SMYD2: variants seen among roughly 807,000 people sequenced by gnomAD.
The protein encoded by SMYD2 is N-lysine methyltransferase SMYD2.
In SMYD2, 53 loss-of-function variants were observed where a neutral mutation model predicts 59.1. That is an observed-to-expected ratio of 0.90 (90% CI 0.72 to 1.13). The LOEUF (loss-of-function observed/expected upper bound fraction) is 1.13. SMYD2 is among the 50% of genes most tolerant of loss of function. SMYD2 has a pLI of 0.00. For synonymous variants in SMYD2, 208 were observed against 198.8 expected, an observed-to-expected ratio of 1.05 and a Z score of -0.39; for missense variants, 494 against 544.7, an observed-to-expected ratio of 0.91 and a Z score of 0.93.
chr1:214,331,090 T>C lies in SMYD2; in HGVS notation c.937+20T>C. On this transcript the variant is annotated intron_variant, in intron 9 of 11. Coordinates refer to ENST00000366957, the MANE Select transcript of SMYD2 (RefSeq NM_020197.3). ...ATAAATATATCCTTTACAACTGCCC[T>C]GATAGCTTATTATCCCTCGCCAACA... 1.9e-6 allele frequency: 3 copies of C among 1,611,718 alleles called. No individual in the cohort carries two copies. The highest frequency in any genetic ancestry group is 8.5e-7 in the Non-Finnish European group (1 of 1,178,142).
intron 2 of SMYD2, among the ~76,000 whole-genome samples, chr1:214,306,142 C>T (rs1656911927): frequency 6.6e-6 from 1 of 152,150 alleles, no homozygotes; most frequent in Non-Finnish European, 1.5e-5. Flanking sequence ...TAAAGGGTGG[C>T]TCTACGGGAC....
At chr1:214,307,002 C>T (rs920050919) in intron 2 of SMYD2, among the ~76,000 whole-genome samples, 4 of 152,196 alleles carry the variant, frequency 2.6e-5, no homozygotes, top group Non-Finnish European at 4.4e-5. Flanking sequence ...GAAACCCCGT[C>T]TCTACTAAAA....
intron 1 of SMYD2, among the ~76,000 whole-genome samples, chr1:214,295,955 G>C (rs1335344068): frequency 6.6e-6 from 1 of 152,204 alleles, no homozygotes; most frequent in Non-Finnish European, 1.5e-5. Flanking sequence ...ATATTGCACT[G>C]CTGGGGCTTT....
chr1:214,319,824 C>T (rs1365054559), intron 5 of SMYD2, among the ~76,000 whole-genome samples: 5 of 152,200 alleles, frequency 3.3e-5, no homozygotes, highest in Admixed American at 3.3e-4. Flanking sequence ...GAATTCTGCT[C>T]CATGGGAGCA....
intron 7 of SMYD2, among the ~76,000 whole-genome samples, chr1:214,329,763 G>A (rs1558057866): frequency 1.3e-5 from 2 of 152,222 alleles, no homozygotes; most frequent in Non-Finnish European, 2.9e-5. Context: ...TCCCCTGCAC[G>A]CAGCATCCAG....
chr1:214,320,651 C>T (rs1163485075), intron 5 of SMYD2, among the ~76,000 whole-genome samples: 1 of 152,154 alleles, frequency 6.6e-6, no homozygotes, highest in Non-Finnish European at 1.5e-5. Context: ...AGTCATTCAT[C>T]ACTTCTGCCC....
In SMYD2 at chr1:214,318,088, C is replaced by T. The variant is rs1657113188; in HGVS notation, c.358C>T (p.Pro120Ser). 1.2e-6 allele frequency: 2 copies of T among 1,613,566 alleles called. No individual in the cohort carries two copies. Among genetic ancestry groups the T allele is most frequent in the Non-Finnish European group, 1.7e-6 (2 of 1,179,880 alleles). Residue 120 changes from proline to serine, a missense_variant, in exon 4 of 12, where the codon CCA becomes TCA. By Grantham distance (74) the Pro-to-Ser change is moderately conservative (BLOSUM62 -1). Transcript: ENST00000366957. This position sits in a 1 kb window ranked among gnomAD's most constrained non-coding sequence, Gnocchi z 5.4. Reference sequence around the variant, plus strand: ...CTTCCCCAATTGCTAGAAAATCCACCCAGAGAGAACACCTTCGGAAAAATT... The same window carrying T: ...CTTCCCCAATTGCTAGAAAATCCACTCAGAGAGAACACCTTCGGAAAAATT... ...ARILAKQKIH[P>S]ERTPSEKLLA...
At chr1:214,332,383 G>T in intron 10 of SMYD2, 191 bp downstream of exon 10, 1 of 599,564 alleles carries the variant, frequency 1.7e-6, no homozygotes, top group Non-Finnish European at 2.8e-6. Flanking sequence ...TCATCCCAAG[G>T]AGACAGGTTG....
intron 9 of SMYD2, 61 bp from the exon 10 acceptor site, chr1:214,331,957 C>CA: frequency 6.5e-7 from 1 of 1,533,224 alleles, no homozygotes; most frequent in South Asian, 1.3e-5. Context: ...TCCTTGAACC[C>CA]AGCCTGGGGA....
Position 214,318,003 on chromosome 1 carries a change from T to G in SMYD2, c.349-76T>G, listed in dbSNP as rs1657111789. 2.3e-6 allele frequency: 3 copies of G among 1,307,710 alleles called. No individual in the cohort carries two copies. The highest frequency in any genetic ancestry group is 1.5e-5 in the African/African-American group (1 of 68,194). 81.0% of individuals were successfully genotyped at this position (1,307,710 alleles called of 1,614,324 possible). ...TTGTTACTTTTTCTTTATGTTGATG[T>G]AAAAGTGAAAGTGCCACTTTATTAC... On this transcript the variant is annotated intron_variant, in intron 3 of 11. Coordinates refer to ENST00000366957, the MANE Select transcript of SMYD2 (RefSeq NM_020197.3). The surrounding 1 kb of genome is among the most constrained non-coding windows in gnomAD (Gnocchi z 5.4).
chr1:214,336,676 T>C lies in SMYD2; in HGVS notation c.1222-28T>C, dbSNP rs764541104. On this transcript the variant is annotated intron_variant, in intron 11 of 11. Transcript: ENST00000366957. ...GGTGTGAGGAGATTGGCTTCTAGGCTCTCATTGTTTGTCTTGCTTTTTCCT... is the reference window on the plus strand; with the variant it reads ...GGTGTGAGGAGATTGGCTTCTAGGCCCTCATTGTTTGTCTTGCTTTTTCCT... 17 of 1,608,908 alleles carry C rather than the reference T, an allele frequency of 1.1e-5. No individual in the cohort carries two copies. In the Admixed American group the frequency reaches 2.9e-4, roughly 27 times the overall value.
At chr1:214,295,517 CCTT>C (rs1656710255) in intron 1 of SMYD2, among the ~76,000 whole-genome samples, 1 of 152,206 alleles carries the variant, frequency 6.6e-6, no homozygotes, top group Non-Finnish European at 1.5e-5. Flanking sequence ...CCAGCTTCCT[CCTT>C]GTAAATTACA....
In SMYD2 at chr1:214,318,982, AG is replaced by A; in HGVS notation, c.534+1del. 2 of 1,613,812 alleles carry A rather than the reference AG, an allele frequency of 1.2e-6. No homozygotes were observed. The highest frequency in any genetic ancestry group is 1.7e-6 in the Non-Finnish European group (2 of 1,179,918). ...GATAGCCTCGTAGTACTCTTTGCAC[AG>A]GTAAGGACGCTGGCAGCAGGTAACA... ...DNDSLVVLFAQVNCNGFTIED... is the reference protein window; with the variant it reads ...DNDSLVVLFAXVNCNGFTIED... On this transcript the variant is annotated frameshift_variant and splice_region_variant, in exon 5 of 12. Transcript: ENST00000366957. LOFTEE classifies it high-confidence loss of function. The surrounding 1 kb of genome is among the most constrained non-coding windows in gnomAD (Gnocchi z 5.4).
chr1:214,291,667 G>A (rs1035084151), intron 1 of SMYD2, among the ~76,000 whole-genome samples: 1 of 152,108 alleles, frequency 6.6e-6, no homozygotes, highest in Non-Finnish European at 1.5e-5. Context: ...TCTTCCAGGG[G>A]TGTTGGCCAC....
chr1:214,325,456 A>G (rs969547372), intron 6 of SMYD2, among the ~76,000 whole-genome samples: 4 of 152,232 alleles, frequency 2.6e-5, no homozygotes, highest in African/African-American at 9.6e-5. Context: ...CACATTGTAG[A>G]TAAGTTCTAT....
intron 1 of SMYD2, among the ~76,000 whole-genome samples, chr1:214,299,624 T>C (rs1235781549): frequency 6.6e-6 from 1 of 152,020 alleles, no homozygotes. Context: ...TTTGTTGTTG[T>C]TGTTGAGACA....
intron 5 of SMYD2, 38 bp from the exon 6 acceptor site, chr1:214,324,603 A>T: frequency 6.6e-7 from 1 of 1,521,790 alleles, no homozygotes; most frequent in Non-Finnish European, 9.0e-7. Flanking sequence ...AAGAAGCTCC[A>T]GCTCATTTTT....
intron 2 of SMYD2, among the ~76,000 whole-genome samples, chr1:214,309,179 A>G (rs148313927): frequency 3.9e-4 from 59 of 152,260 alleles, no homozygotes; most frequent in Middle Eastern, 6.8e-3. Flanking sequence ...CTCTTAGTTC[A>G]CTTGACTCAG....
chr1:214,314,044 GCA>G (rs1234333693), intron 2 of SMYD2, among the ~76,000 whole-genome samples: 1 of 152,092 alleles, frequency 6.6e-6, no homozygotes, highest in Non-Finnish European at 1.5e-5. Flanking sequence ...GGGCGTAGTG[GCA>G]CACACCTGTA....
Sources: allele counts gnomAD v4.1 joint callset (sites outside exome capture counted in the v4.1 genomes callset), GRCh38; gene constraint gnomAD v4.1.1; non-coding constraint Gnocchi (gnomAD v3.1); transcripts MANE v1.5; gene names NCBI Gene and HGNC (gene_info 2026-07-23, HGNC 2026-07-21).